The following PHF7 variants were observed in gnomAD, a reference collection of about 807,000 sequenced individuals.
PHF7 encodes the protein PHD finger protein 7, also known as E3 ubiquitin-protein ligase PHF7.
Under a neutral mutation model 47.5 loss-of-function variants are expected in PHF7, and 24 were observed. The observed-to-expected ratio is 0.51, with a 90% CI of 0.37 to 0.71. The LOEUF is 0.71. PHF7 is among the 30% of genes least tolerant of loss of function. The pLI, the probability that PHF7 is intolerant of heterozygous loss-of-function variation, is 0.00. For synonymous variants in PHF7, 156 were observed against 153.8 expected, an observed-to-expected ratio of 1.01 and a Z score of -0.11; for missense variants, 361 against 456.8, an observed-to-expected ratio of 0.79 and a Z score of 1.91.
chr3:52,420,235 T>G, intron 5 of PHF7, 76 bp from the exon 6 acceptor site: 1 of 1,512,166 alleles, frequency 6.6e-7, no homozygotes, highest in African/African-American at 1.4e-5. Context: ...AACTTCCATT[T>G]AATAGAAAGA....
At position 52,412,957 on chromosome 3, in the gene PHF7, G is replaced by A. The variant is rs1380242749; in HGVS notation, c.41+37G>A. On this transcript the variant is annotated intron_variant, in intron 2 of 10. Transcript: ENST00000327906. ...TGACATAGGGAATTTGGGAGAAATT[G>A]TCCAATGGCCTGTGGTATAGGCTGC... 3.9e-6 allele frequency: 6 copies of A among 1,526,266 alleles called. No homozygotes were observed. In the Admixed American group the frequency reaches 8.3e-5, roughly 21 times the overall value. The allele number at this position is 1,526,266 out of a possible 1,614,324, so 94.5% of individuals were successfully genotyped here. A position where few individuals can be genotyped will look rare whatever the true frequency, so the allele number is the denominator to read the frequency against.
At chr3:52,416,976 G>C (rs1026837594) in intron 4 of PHF7, among the ~76,000 whole-genome samples, 1 of 151,866 alleles carries the variant, frequency 6.6e-6, no homozygotes, top group African/African-American at 2.4e-5. Context: ...TTTCTTAATG[G>C]TGTCTTTCAA....
Position 52,422,807 on chromosome 3 carries a change from A to T in PHF7, c.845A>T (p.His282Leu). The T allele has an allele frequency of 1.2e-6, 2 of 1,614,038 alleles. No homozygotes were observed. Among genetic ancestry groups the T allele is most frequent in the Non-Finnish European group, 1.7e-6 (2 of 1,179,902 alleles). ...LCATCGSHGTHRDCSSLRSNS... is the reference protein window; with the variant it reads ...LCATCGSHGTLRDCSSLRSNS... ...GCTACATGCGGATCCCACGGAACCC[A>T]CAGGGACTGCTCCTCTCTTAGATCT... Residue 282 changes from histidine (H) to leucine (L), a missense_variant, in exon 10 of 11, where the codon CAC becomes CTC. His to Leu is a moderately conservative substitution (Grantham distance 99, BLOSUM62 -3). Transcript: ENST00000327906.
rs895054200 is a variant in PHF7, at chr3:52,423,280, G to T, written c.1109G>T (p.Gly370Val). Residue 370 changes from glycine to valine, a missense_variant, in exon 11 of 11, where the codon GGT (glycine) becomes GTT (valine). Transcript: ENST00000327906. ...GRRSYSWRSK[G>V]VRITNSCKKS... ...AGGAGCTACTCCTGGAGGTCCAAGG[G>T]TGTCAGAATCACTAACAGCTGCAAA... is the stretch of plus-strand genomic sequence containing the variant. 6.8e-6 allele frequency: 11 copies of T among 1,613,834 alleles called. No individual in the cohort carries two copies. The highest frequency in any genetic ancestry group is 1.7e-5 in the Admixed American group (1 of 59,988).
chr3:52,415,779 C>T (rs1202637579), intron 4 of PHF7, among the ~76,000 whole-genome samples: 1 of 152,180 alleles, frequency 6.6e-6, no homozygotes. Context: ...CTTATCTGTT[C>T]ACCTGTTGAT....
intron 4 of PHF7, among the ~76,000 whole-genome samples, 159 bp from the exon 5 acceptor site, chr3:52,419,674 G>A (rs1037095825): frequency 3.0e-4 from 45 of 151,864 alleles, no homozygotes; most frequent in South Asian, 1.5e-3. Flanking sequence ...CTCGTGATCC[G>A]CCCGCCTCGG....
At position 52,420,939 on chromosome 3, in the gene PHF7, C is replaced by A; in HGVS notation, c.450C>A (p.Ile150=). The change falls in exon 7 of 11, where the codon ATC becomes ATA. Residue 150 remains isoleucine (I), a synonymous_variant. Transcript: ENST00000327906. ...ACAAACATCGCCCAACACAGAACAT[C>A]CAACATGGGCATGTGGGGGAGGAAA... ...FCDKHRPTQN[I]QHGHVGEESC... is the part of the protein sequence containing the mutation. 1 of 1,613,276 alleles carries A rather than the reference C, an allele frequency of 6.2e-7. No individual in the cohort carries two copies. The highest frequency in any genetic ancestry group is 8.5e-7 in the Non-Finnish European group (1 of 1,179,572).
chr3:52,412,803 A>G lies in PHF7; in HGVS notation c.-69-8A>G, dbSNP rs1705492055. 8.3e-6 allele frequency: 10 copies of G among 1,204,712 alleles called. No homozygotes were observed. Among genetic ancestry groups the G allele is most frequent in the African/African-American group, 4.6e-5 (3 of 65,296 alleles). 74.6% of individuals were successfully genotyped at this position (1,204,712 alleles called of 1,614,324 possible). Reference sequence around the variant, plus strand: ...AAATTGCTTACCAAACCCCATTTATATTTATAGCTGGAAGAGCCTGTATTG... The same window carrying G: ...AAATTGCTTACCAAACCCCATTTATGTTTATAGCTGGAAGAGCCTGTATTG... On this transcript the variant is annotated splice_region_variant and splice_polypyrimidine_tract_variant and intron_variant, in intron 1 of 10. Coordinates refer to ENST00000327906, the MANE Select transcript of PHF7 (RefSeq NM_016483.7).
intron 10 of PHF7, 86 bp downstream of exon 10, chr3:52,422,967 C>T (rs1055561670): frequency 1.1e-5 from 17 of 1,568,258 alleles, no homozygotes; most frequent in Non-Finnish European, 1.4e-5. Flanking sequence ...AGACATCCCA[C>T]CAGAGGGGGA....
intron 4 of PHF7, among the ~76,000 whole-genome samples, chr3:52,415,608 T>C (rs189845579): frequency 1.7e-3 from 257 of 152,384 alleles, no homozygotes; most frequent in African/African-American, 6.0e-3. Flanking sequence ...GCTATTCTTT[T>C]ACTTCATATA....
At chr3:52,421,361 G>C (rs1277364263) in intron 7 of PHF7, among the ~76,000 whole-genome samples, 1 of 152,236 alleles carries the variant, frequency 6.6e-6, no homozygotes. Context: ...TTCCTGGGAT[G>C]AAAGAAAAGG....
intron 4 of PHF7, among the ~76,000 whole-genome samples, chr3:52,419,625 G>T (rs1417487707): frequency 6.6e-6 from 1 of 151,966 alleles, no homozygotes. Context: ...TAGAGATGGG[G>T]TTTCACCGTG....
rs147881449 is a variant in PHF7, at chr3:52,421,706, A to G, written c.632A>G (p.Lys211Arg). The G allele has an allele frequency of 1.9e-6, 3 of 1,609,614 alleles. No homozygotes were observed. The highest frequency in any genetic ancestry group is 2.7e-5 in the African/African-American group (2 of 74,792). The change falls in exon 8 of 11, where the codon AAA (lysine) becomes AGA (arginine). Residue 211 changes from lysine to arginine, a missense_variant. Lys to Arg is a conservative substitution (Grantham distance 26). Coordinates refer to ENST00000327906, the MANE Select transcript of PHF7 (RefSeq NM_016483.7). ...FFKCPQCNNR[K>R]EFPQEMLRMG... ...AAATGTCCACAGTGTAACAATCGAAAAGAGTTTCCTCAAGAAATGCTGAGA... is the reference window on the plus strand; with the variant it reads ...AAATGTCCACAGTGTAACAATCGAAGAGAGTTTCCTCAAGAAATGCTGAGA...
intron 4 of PHF7, among the ~76,000 whole-genome samples, chr3:52,417,339 G>C (rs1412807788): frequency 6.6e-6 from 1 of 152,022 alleles, no homozygotes; most frequent in Non-Finnish European, 1.5e-5. Flanking sequence ...AAGTCTACTG[G>C]GATTGTGATT....
intron 4 of PHF7, among the ~76,000 whole-genome samples, chr3:52,415,023 A>G (rs1705579794): frequency 6.6e-6 from 1 of 152,058 alleles, no homozygotes; most frequent in African/African-American, 2.4e-5. Context: ...TGTGTCTGGT[A>G]TAAAATCTTG....
At chr3:52,412,070 G>A (rs761844054) in intron 1 of PHF7, among the ~76,000 whole-genome samples, 3 of 152,034 alleles carry the variant, frequency 2.0e-5, no homozygotes, top group African/African-American at 4.8e-5. Context: ...TAGCTGGTGC[G>A]GTGGCATGGC....
intron 8 of PHF7, 111 bp downstream of exon 8, chr3:52,421,865 T>C: frequency 3.0e-6 from 2 of 662,336 alleles, no homozygotes. Flanking sequence ...GAGGCACTGA[T>C]AAGAAGGAAG....
intron 3 of PHF7, 81 bp downstream of exon 3, chr3:52,414,129 G>A: frequency 2.2e-6 from 2 of 894,868 alleles, no homozygotes; most frequent in Admixed American, 1.9e-5. Flanking sequence ...CAGTATACTT[G>A]CTTCTTCTCT....
intron 2 of PHF7, among the ~76,000 whole-genome samples, chr3:52,413,539 A>C (rs1438279223): frequency 6.6e-6 from 1 of 152,214 alleles, no homozygotes; most frequent in Non-Finnish European, 1.5e-5. Flanking sequence ...GCACTTAAAA[A>C]AAATATGAAA....
Sources: allele counts gnomAD v4.1 joint callset (sites outside exome capture counted in the v4.1 genomes callset), GRCh38; gene constraint gnomAD v4.1.1; transcripts MANE v1.5; gene names NCBI Gene and HGNC (gene_info 2026-07-23, HGNC 2026-07-21).